DPYD: variants seen among roughly 807,000 people sequenced by gnomAD.
DPYD encodes the protein dihydropyrimidine dehydrogenase [NADP(+)].
In DPYD, 109 loss-of-function variants were observed where a neutral mutation model predicts 116.2. The observed-to-expected ratio is 0.94, with a 90% CI of 0.80 to 1.10. The LOEUF (loss-of-function observed/expected upper bound fraction) is 1.10. Ranked by LOEUF, DPYD falls within the 50% of genes least tolerant of loss-of-function variation. The pLI, the probability that DPYD is intolerant of heterozygous loss-of-function variation, is 0.00. For synonymous variants in DPYD, 440 were observed against 432.0 expected, an observed-to-expected ratio of 1.02 and a Z score of -0.23; for missense variants, 1,302 against 1,254.5, an observed-to-expected ratio of 1.04 and a Z score of -0.57.
At chr1:97,098,958 G>A (rs1043278902) in intron 20 of DPYD, among the ~76,000 whole-genome samples, 1 of 152,066 alleles carries the variant, frequency 6.6e-6, no homozygotes, top group African/African-American at 2.4e-5. Flanking sequence ...ACAGCTATTA[G>A]TTAAACCATT....
intron 3 of DPYD, among the ~76,000 whole-genome samples, chr1:97,765,082 C>T (rs1383190617): frequency 6.6e-6 from 1 of 152,126 alleles, no homozygotes; most frequent in African/African-American, 2.4e-5. Flanking sequence ...ATTTCCTAAA[C>T]ATTAAGAGGA....
intron 2 of DPYD, among the ~76,000 whole-genome samples, chr1:97,838,000 T>A (rs1669850130): frequency 6.6e-6 from 1 of 152,158 alleles, no homozygotes; most frequent in Admixed American, 6.5e-5. Flanking sequence ...GTATATAAAA[T>A]TTTGACCCTC....
chr1:97,649,930 T>C (rs576269573), intron 8 of DPYD, among the ~76,000 whole-genome samples: 2 of 152,240 alleles, frequency 1.3e-5, no homozygotes, highest in East Asian at 1.9e-4. Context: ...CCCCTTGCTA[T>C]AGCCTCTTAA....
chr1:97,510,475 CAT>C (rs1205817176), intron 13 of DPYD, among the ~76,000 whole-genome samples: 6 of 151,924 alleles, frequency 3.9e-5, no homozygotes, highest in African/African-American at 1.2e-4. Context: ...CAAATAATCT[CAT>C]AGGCATTTGG....
At chr1:97,647,848 A>G (rs1183976619) in intron 8 of DPYD, among the ~76,000 whole-genome samples, 1 of 152,046 alleles carries the variant, frequency 6.6e-6, no homozygotes, top group Non-Finnish European at 1.5e-5. Context: ...CTACTAAAAT[A>G]AAAAGTTACT....
intron 10 of DPYD, among the ~76,000 whole-genome samples, chr1:97,583,513 C>T (rs1653846771): frequency 6.6e-6 from 1 of 152,052 alleles, no homozygotes; most frequent in South Asian, 2.1e-4. Context: ...TGTAGTTCCT[C>T]CTTTAATCTT....
At chr1:97,517,846 T>C (rs943607716) in intron 12 of DPYD, among the ~76,000 whole-genome samples, 3 of 152,112 alleles carry the variant, frequency 2.0e-5, no homozygotes, top group African/African-American at 7.2e-5. Context: ...TGTCTGTACT[T>C]TACAAGGTGA....
intron 20 of DPYD, among the ~76,000 whole-genome samples, chr1:97,126,393 C>A (rs1652834812): frequency 1.3e-5 from 2 of 152,126 alleles, no homozygotes; most frequent in South Asian, 4.1e-4. Context: ...TCCCTGGCCC[C>A]TTTCTCCACT....
intron 8 of DPYD, among the ~76,000 whole-genome samples, chr1:97,620,732 C>G (rs1241319070): frequency 6.6e-6 from 1 of 151,868 alleles, no homozygotes; most frequent in Non-Finnish European, 1.5e-5. Context: ...CTTCACTGTC[C>G]CAAAATGTAA....
At chr1:97,753,387 A>C (rs1557934963) in intron 3 of DPYD, among the ~76,000 whole-genome samples, 1 of 152,182 alleles carries the variant, frequency 6.6e-6, no homozygotes, top group Non-Finnish European at 1.5e-5. Flanking sequence ...GAGTATGGTG[A>C]CATCAAGGCT....
intron 8 of DPYD, among the ~76,000 whole-genome samples, chr1:97,635,417 G>A (rs1367115898): frequency 1.3e-5 from 2 of 152,094 alleles, no homozygotes; most frequent in African/African-American, 4.8e-5. Context: ...GATGGGAGAG[G>A]AATGTACTGC....
intron 14 of DPYD, among the ~76,000 whole-genome samples, chr1:97,417,703 A>G (rs1406625354): frequency 6.6e-6 from 1 of 152,208 alleles, no homozygotes; most frequent in Non-Finnish European, 1.5e-5. Context: ...GCTTCTTATT[A>G]AAAACTACCT....
chr1:97,085,361 T>A (rs543705837), intron 21 of DPYD, among the ~76,000 whole-genome samples: 1 of 152,346 alleles, frequency 6.6e-6, no homozygotes, highest in African/African-American at 2.4e-5. Flanking sequence ...TCTGTGTACA[T>A]TAAATATGCC....
At chr1:97,306,128 T>C (rs1202401126) in intron 17 of DPYD, 49 bp downstream of exon 17, 1 of 1,610,776 alleles carries the variant, frequency 6.2e-7, no homozygotes, top group Non-Finnish European at 8.5e-7. Context: ...CTACATAATG[T>C]GGGCCAATAT....
chr1:97,608,236 A>AGTT (rs1189344660), intron 8 of DPYD, among the ~76,000 whole-genome samples: 1 of 152,060 alleles, frequency 6.6e-6, no homozygotes, highest in Non-Finnish European at 1.5e-5. Context: ...ACTGCACATC[A>AGTT]GTTACATTCT....
At chr1:97,242,672 T>C (rs1662455803) in intron 18 of DPYD, among the ~76,000 whole-genome samples, 1 of 151,804 alleles carries the variant, frequency 6.6e-6, no homozygotes, top group Non-Finnish European at 1.5e-5. Flanking sequence ...ATAATGTTCC[T>C]AAAATTCACC....
At chr1:97,595,502 T>G (rs143438176) in intron 8 of DPYD, among the ~76,000 whole-genome samples, 44 of 151,978 alleles carry the variant, frequency 2.9e-4, no homozygotes, top group African/African-American at 9.4e-4. Context: ...TAAGTCAGTT[T>G]CAGCTACATT....
intron 21 of DPYD, among the ~76,000 whole-genome samples, chr1:97,083,023 T>G (rs1030825233): frequency 5.3e-5 from 8 of 152,154 alleles, no homozygotes; most frequent in Non-Finnish European, 1.2e-4. Context: ...AAAATTCTAA[T>G]TTATGTTAAT....
chr1:97,840,598 TA>T (rs1365251803), intron 2 of DPYD, among the ~76,000 whole-genome samples: 1 of 152,114 alleles, frequency 6.6e-6, no homozygotes, highest in African/African-American at 2.4e-5. Context: ...AAAACATCAG[TA>T]GGGTAAGTTT....
Sources: gnomAD v4.1 joint callset for allele counts (sites outside exome capture counted in the v4.1 genomes callset) on GRCh38, gnomAD v4.1.1 for gene constraint, MANE v1.5 for transcripts, NCBI Gene and HGNC (gene_info 2026-07-23, HGNC 2026-07-21) for gene names.